Variants in FER observed in about 807,000 individuals in gnomAD.
FER encodes FER tyrosine kinase.
In FER, 63 loss-of-function variants were observed where a neutral mutation model predicts 111.0. That is an observed-to-expected ratio of 0.57 (90% CI 0.46 to 0.70). The LOEUF (loss-of-function observed/expected upper bound fraction) is 0.70, where lower values mean the gene tolerates loss of function less well. Ranked by LOEUF, FER falls within the 30% of genes least tolerant of loss-of-function variation. FER has a pLI of 0.00. For synonymous variants in FER, 327 were observed against 313.9 expected (o/e 1.04, Z -0.44); for missense variants, 914 against 954.0 (o/e 0.96, Z 0.55).
Position 108,989,957 on chromosome 5 carries a change from T to G in FER, c.1656+30610T>G, listed in dbSNP as rs73778381. Among the ~76,000 whole-genome samples, 426 of 152,072 alleles carry G rather than the reference T, an allele frequency of 2.8e-3. 4 individuals carry two copies. The highest frequency in any genetic ancestry group is 9.9e-3 in the African/African-American group (412 of 41,580). On this transcript the variant is annotated intron_variant, in intron 13 of 19. Transcript: ENST00000281092. The stretch of plus-strand genomic sequence containing the variant: ...GTCACATTTTTCCCTCTAGTCAGTC[T>G]CAGGTCAAGGAGTATGTCATAATAC...
chr5:109,016,077 C>T (rs1446812411), intron 13 of FER, among the ~76,000 whole-genome samples: 1 of 151,942 alleles, frequency 6.6e-6, no homozygotes, highest in Non-Finnish European at 1.5e-5. Flanking sequence ...TGAGAATGCC[C>T]TTTTCTAGGT....
Position 109,119,061 on chromosome 5 carries a change from T to G in FER, c.2048+18542T>G, listed in dbSNP as rs866730507. On this transcript the variant is annotated intron_variant, in intron 17 of 19. Transcript: ENST00000281092. The stretch of plus-strand genomic sequence containing the variant: ...CTTGCCTTCTGCTAGCTTTTGAATG[T>G]GTTTGCTCTTGTTTCTCTAGTTCTT... Among the ~76,000 whole-genome samples, 11 of 152,250 alleles carry G rather than the reference T, an allele frequency of 7.2e-5. No individual in the cohort carries two copies. In the South Asian group the frequency reaches 2.3e-3, roughly 32 times the overall value.
At chr5:108,989,917 T>C (rs1451137984) in intron 13 of FER, among the ~76,000 whole-genome samples, 1 of 152,006 alleles carries the variant, frequency 6.6e-6, no homozygotes, top group Non-Finnish European at 1.5e-5. Flanking sequence ...ATGTTTGTTT[T>C]AGTTATTGTA....
At chr5:108,928,495 A>T (rs1030192814) in intron 10 of FER, among the ~76,000 whole-genome samples, 3 of 152,208 alleles carry the variant, frequency 2.0e-5, no homozygotes, top group South Asian at 2.1e-4. Flanking sequence ...TTTAATAAGA[A>T]TAAAATAAAT....
chr5:109,088,991 A>G (rs990602945), intron 16 of FER, among the ~76,000 whole-genome samples: 2 of 152,184 alleles, frequency 1.3e-5, no homozygotes, highest in African/African-American at 4.8e-5. Flanking sequence ...GCAATAGGCT[A>G]CCCTAGATTT....
chr5:109,166,594 A>G (rs1425353964), intron 17 of FER, among the ~76,000 whole-genome samples: 1 of 152,204 alleles, frequency 6.6e-6, no homozygotes, highest in East Asian at 1.9e-4. Context: ...GTCTCAAAGT[A>G]TAGTGTCTTA....
intron 5 of FER, among the ~76,000 whole-genome samples, chr5:108,863,829 G>A (rs1763766860): frequency 1.3e-5 from 2 of 152,014 alleles, no homozygotes; most frequent in Admixed American, 1.3e-4. Flanking sequence ...ATTATTTACT[G>A]GTTCATGACA....
chr5:109,060,779 T>TAC (rs1385769226), intron 16 of FER, among the ~76,000 whole-genome samples: 3 of 147,390 alleles, frequency 2.0e-5, no homozygotes, highest in Non-Finnish European at 4.5e-5. Flanking sequence ...TGTGTATATA[T>TAC]ATATATATAC....
intron 13 of FER, among the ~76,000 whole-genome samples, chr5:109,002,710 C>T (rs4546433): frequency 0.076 from 11,501 of 151,956 alleles, 1,113 homozygotes; most frequent in African/African-American, 0.22. Context: ...AGAAAATTTT[C>T]ACAACCTACT....
chr5:108,824,321 G>A lies in FER; in HGVS notation c.208-8449G>A, dbSNP rs187100672. Among the ~76,000 whole-genome samples the A allele has an allele frequency of 2.1e-3, 320 of 151,494 alleles. 3 individuals carry two copies. The highest frequency in any genetic ancestry group is 7.2e-3 in the African/African-American group (296 of 41,310). On this transcript the variant is annotated intron_variant, in intron 3 of 19. Transcript: ENST00000281092. ...TTTTCTATTTCAAAATTCTAATGTC[G>A]TTTTTTATCATTGAAATTTTAATTA... is the stretch of plus-strand genomic sequence containing the variant.
intron 10 of FER, among the ~76,000 whole-genome samples, chr5:108,934,082 G>A (rs1192607187): frequency 6.6e-6 from 1 of 152,048 alleles, no homozygotes; most frequent in East Asian, 1.9e-4. Context: ...TGATTGCCCT[G>A]GCGAGAACTT....
intron 8 of FER, among the ~76,000 whole-genome samples, chr5:108,874,163 G>A (rs1027457843): frequency 9.2e-5 from 14 of 152,234 alleles, no homozygotes; most frequent in African/African-American, 2.6e-4. Flanking sequence ...GAAAGAGTGA[G>A]TATATAGATT....
intron 17 of FER, among the ~76,000 whole-genome samples, chr5:109,176,430 C>A (rs943049423): frequency 6.6e-6 from 1 of 151,908 alleles, no homozygotes; most frequent in Non-Finnish European, 1.5e-5. Flanking sequence ...CTAAAAAAAT[C>A]GAGCTCATGA....
At chr5:108,792,246 G>A (rs879838838) in intron 2 of FER, among the ~76,000 whole-genome samples, 54 of 152,208 alleles carry the variant, frequency 3.5e-4, no homozygotes, top group African/African-American at 1.2e-3. Flanking sequence ...TATGGATTGT[G>A]TTAAATTTGT....
At chr5:109,107,578 G>A (rs773148155) in intron 17 of FER, among the ~76,000 whole-genome samples, 2 of 152,018 alleles carry the variant, frequency 1.3e-5, no homozygotes, top group African/African-American at 4.8e-5. Flanking sequence ...GTGAGAATAT[G>A]CAATATTTGG....
chr5:108,998,183 G>GAA (rs915109794), intron 13 of FER, among the ~76,000 whole-genome samples: 4,111 of 71,286 alleles, frequency 0.058, 136 homozygotes, highest in South Asian at 0.1. Context: ...ACCGGGGTAT[G>GAA]AAAAAAAAAA....
chr5:108,761,359 A>G (rs995196563), intron 1 of FER, among the ~76,000 whole-genome samples: 2 of 152,122 alleles, frequency 1.3e-5, no homozygotes, highest in African/African-American at 4.8e-5. Flanking sequence ...CCTAATATCA[A>G]ATTGTTGTGT....
intron 1 of FER, among the ~76,000 whole-genome samples, chr5:108,760,961 C>T (rs1308308287): frequency 2.6e-5 from 4 of 151,184 alleles, no homozygotes; most frequent in Admixed American, 6.6e-5. Context: ...GATGGAGTCT[C>T]GCTCTGTTGC....
At chr5:109,044,819 A>C (rs1771718414) in intron 15 of FER, 24 bp downstream of exon 15, 4 of 1,096,606 alleles carry the variant, frequency 3.6e-6, no homozygotes, top group Non-Finnish European at 5.3e-6. Flanking sequence ...AGTAATCAAA[A>C]TATGTATTTA....
Sources: allele counts gnomAD v4.1 joint callset (sites outside exome capture counted in the v4.1 genomes callset), GRCh38; gene constraint gnomAD v4.1.1; transcripts MANE v1.5; gene names NCBI Gene and HGNC (gene_info 2026-07-23, HGNC 2026-07-21).